Variants in LRBA observed in about 807,000 individuals in gnomAD.
LRBA encodes the protein LPS responsive beige-like anchor protein, also known as lipopolysaccharide-responsive and beige-like anchor protein.
Under a neutral mutation model 330.0 loss-of-function variants are expected in LRBA, and 176 were observed. That is an observed-to-expected ratio of 0.53 (90% CI 0.47 to 0.60). LRBA has a LOEUF of 0.60. LRBA is among the 20% of genes least tolerant of loss of function. LRBA has a pLI of 0.00. For missense variants in LRBA, 3,259 were observed against 3,444.8 expected (o/e 0.95, Z 1.35); for synonymous variants, 1,230 against 1,193.0 (o/e 1.03, Z -0.64).
At chr4:150,588,009 C>G in intron 40 of LRBA, 39 bp downstream of exon 40, 1 of 1,596,564 alleles carries the variant, frequency 6.3e-7, no homozygotes, top group Non-Finnish European at 8.5e-7. Flanking sequence ...CACCCACCAT[C>G]CCATCATAAG....
At chr4:150,994,127 T>C (rs1256168745) in intron 2 of LRBA, among the ~76,000 whole-genome samples, 1 of 150,774 alleles carries the variant, frequency 6.6e-6, no homozygotes, top group Non-Finnish European at 1.5e-5. Context: ...AGAAACAATG[T>C]GACACTAAAG....
chr4:150,756,406 A>G (rs1460518577), intron 35 of LRBA, among the ~76,000 whole-genome samples: 3 of 152,210 alleles, frequency 2.0e-5, no homozygotes, highest in Non-Finnish European at 4.4e-5. Context: ...TTTTTTTGCA[A>G]GTAATATCAC....
chr4:150,755,012 A>G (rs1734098335), intron 35 of LRBA, among the ~76,000 whole-genome samples: 1 of 152,198 alleles, frequency 6.6e-6, no homozygotes, highest in East Asian at 1.9e-4. Context: ...CTAAAATACA[A>G]GTGCTAATGG....
Position 150,349,309 on chromosome 4 carries a change from G to A in LRBA, c.7362+683C>T, listed in dbSNP as rs1017513770. ...CAAAGCTCCTGGTTTCCTAAACGCA[G>A]TTGTGTTCTAAAATTGTACAGATTA... On this transcript the variant is annotated intron_variant, in intron 48 of 56. Transcript: ENST00000651943. Among the ~76,000 whole-genome samples the A allele has an allele frequency of 3.3e-5, 5 of 152,178 alleles. No homozygotes were observed. The South Asian group carries it at 6.2e-4, about 19-fold the overall frequency.
chr4:150,482,433 T>C (rs927638342), intron 42 of LRBA, among the ~76,000 whole-genome samples: 2 of 152,126 alleles, frequency 1.3e-5, no homozygotes, highest in Non-Finnish European at 2.9e-5. Flanking sequence ...GTTTGTCCAT[T>C]TACCAGTTGA....
At chr4:150,482,682 T>C (rs946427108) in intron 42 of LRBA, among the ~76,000 whole-genome samples, 2 of 152,108 alleles carry the variant, frequency 1.3e-5, no homozygotes, top group Admixed American at 6.6e-5. Context: ...TTGCCTTGTA[T>C]ACTGCTCTTG....
At chr4:150,876,485 C>CGT in intron 17 of LRBA, among the ~76,000 whole-genome samples, 1 of 152,300 alleles carries the variant, frequency 6.6e-6, no homozygotes, top group Non-Finnish European at 1.5e-5. Flanking sequence ...CACATACAAA[C>CGT]AGAACCCCAT....
At chr4:150,550,366 T>C (rs528528644) in intron 40 of LRBA, among the ~76,000 whole-genome samples, 6 of 152,052 alleles carry the variant, frequency 3.9e-5, no homozygotes, top group South Asian at 2.1e-4. Flanking sequence ...AGAGCAACTA[T>C]AGGGAAAGAA....
At chr4:150,511,402 G>T (rs114125835) in intron 40 of LRBA, among the ~76,000 whole-genome samples, 1,572 of 152,236 alleles carry the variant, frequency 0.01, 20 homozygotes, top group African/African-American at 0.036. Context: ...TACTTTAGAA[G>T]AGGTTCTTAT....
rs2359928 is a variant in LRBA, at chr4:150,266,299, T to G, written c.8469-487A>C. ...CAATGAAGAGTGAAAAAGAAGAGTG[T>G]TGTTGACCATAATTTAAGCTGGTCT... On this transcript the variant is annotated intron_variant, in intron 56 of 56. Coordinates refer to ENST00000651943, the MANE Select transcript of LRBA (RefSeq NM_001364905.1). Among the ~76,000 whole-genome samples, 13,660 of 152,228 alleles carry G rather than the reference T, an allele frequency of 0.09. 927 individuals carry two copies. Among genetic ancestry groups the G allele is most frequent in the South Asian group, 0.23 (1,086 of 4,808 alleles).
chr4:150,321,051 G>T lies in LRBA; in HGVS notation c.7630+140C>A. ...TATGCCTCACGTGGGCCTTTTTTAAGCCTTTCAAACTATTAAACAATTTGA... is the reference window on the plus strand; with the variant it reads ...TATGCCTCACGTGGGCCTTTTTTAATCCTTTCAAACTATTAAACAATTTGA... On this transcript the variant is annotated intron_variant, in intron 50 of 56. Transcript: ENST00000651943. The surrounding 1 kb of genome is among the most constrained non-coding windows in gnomAD (Gnocchi z 4.5). 1.3e-6 allele frequency: 1 copy of T among 768,772 alleles called. No homozygotes were observed. Among genetic ancestry groups the T allele is most frequent in the Non-Finnish European group, 2.0e-6 (1 of 499,842 alleles). The allele number at this position is 768,772 out of a possible 1,614,324, so 47.6% of individuals were successfully genotyped here.
At chr4:150,310,451 G>A (rs942723378) in intron 51 of LRBA, 67 bp from the exon 52 acceptor site, 15 of 1,053,484 alleles carry the variant, frequency 1.4e-5, no homozygotes, top group Non-Finnish European at 2.0e-5. Flanking sequence ...TAGTGAGGGA[G>A]AAGAGGAGAC....
intron 37 of LRBA, among the ~76,000 whole-genome samples, chr4:150,682,708 C>T (rs1443449753): frequency 6.6e-6 from 1 of 151,846 alleles, no homozygotes; most frequent in African/African-American, 2.4e-5. Context: ...CAAATGGAAG[C>T]AAATTACACT....
chr4:150,788,966 C>A (rs1027848167), intron 34 of LRBA, among the ~76,000 whole-genome samples: 1 of 143,974 alleles, frequency 6.9e-6, no homozygotes, highest in East Asian at 2.1e-4. Flanking sequence ...CCCAGCTACT[C>A]GGAAGGCTGA....
At chr4:150,390,727 A>AC (rs765428453) in intron 47 of LRBA, among the ~76,000 whole-genome samples, 9 of 152,046 alleles carry the variant, frequency 5.9e-5, no homozygotes, top group Admixed American at 5.2e-4. Flanking sequence ...CATTTCTTCT[A>AC]CCCCCTAATA....
At chr4:150,691,357 C>T (rs1243002513) in intron 36 of LRBA, among the ~76,000 whole-genome samples, 1 of 152,112 alleles carries the variant, frequency 6.6e-6, no homozygotes, top group Non-Finnish European at 1.5e-5. Flanking sequence ...TCATACAATT[C>T]AATAAGACAA....
At chr4:150,364,944 A>T (rs1490020873) in intron 47 of LRBA, among the ~76,000 whole-genome samples, 1 of 151,734 alleles carries the variant, frequency 6.6e-6, no homozygotes, top group East Asian at 1.9e-4. Context: ...AATATCATAA[A>T]AATGTATATC....
intron 4 of LRBA, among the ~76,000 whole-genome samples, chr4:150,923,088 A>C (rs1733487140): frequency 6.6e-6 from 1 of 152,022 alleles, no homozygotes; most frequent in African/African-American, 2.4e-5. Flanking sequence ...TTTTGATCCA[A>C]AATATTGTCA....
At chr4:150,267,177 G>A (rs1369670983) in intron 56 of LRBA, among the ~76,000 whole-genome samples, 1 of 152,148 alleles carries the variant, frequency 6.6e-6, no homozygotes, top group Non-Finnish European at 1.5e-5. Flanking sequence ...TGAACAATAC[G>A]ATAAGCCAAC....
Sources: allele counts gnomAD v4.1 joint callset (sites outside exome capture counted in the v4.1 genomes callset), GRCh38; gene constraint gnomAD v4.1.1; non-coding constraint Gnocchi (gnomAD v3.1); transcripts MANE v1.5; gene names NCBI Gene and HGNC (gene_info 2026-07-23, HGNC 2026-07-21).